CHSY3: variants seen among roughly 807,000 people sequenced by gnomAD.
The protein encoded by CHSY3 is N-acetylgalactosaminyl-proteoglycan 3-beta-glucuronosyltransferase 3.
A neutral mutation model predicts 67.2 loss-of-function variants in CHSY3; 35 were observed. The observed-to-expected ratio is 0.52, with a 90% CI of 0.40 to 0.69. CHSY3 has a LOEUF of 0.69. CHSY3 is among the 30% of genes least tolerant of loss of function. The probability of loss-of-function intolerance (pLI) is 0.00; values close to 1 mark genes in which losing one functional copy is unlikely to be tolerated. For missense variants in CHSY3, 1,069 were observed against 1,138.5 expected, an observed-to-expected ratio of 0.94 and a Z score of 0.88; for synonymous variants, 474 against 434.7, an observed-to-expected ratio of 1.09 and a Z score of -1.12.
At chr5:130,044,171 T>TGATTA (rs1262384930) in intron 2 of CHSY3, among the ~76,000 whole-genome samples, 1 of 152,098 alleles carries the variant, frequency 6.6e-6, no homozygotes, top group Non-Finnish European at 1.5e-5. Flanking sequence ...AATTCAAGAA[T>TGATTA]GATTATCTAG....
Position 129,905,331 on chromosome 5 carries a change from C to A in CHSY3, c.502C>A (p.Arg168=), listed in dbSNP as rs1274201480. Residue 168 remains arginine (R), a synonymous_variant, in exon 1 of 3, where the codon CGA becomes AGA. Transcript: ENST00000305031. ...GDGGAAAPSA[R]PRDFLYVGVM... is the part of the protein sequence containing the mutation. ...CGGGGGCGCTGCCGCCCCGAGCGCC[C>A]GACCCCGGGACTTCCTGTACGTGGG... The A allele has an allele frequency of 2.0e-6, 3 of 1,535,044 alleles. No homozygotes were observed. The highest frequency in any genetic ancestry group is 1.2e-5 in the South Asian group (1 of 84,880).
intron 2 of CHSY3, among the ~76,000 whole-genome samples, chr5:129,943,151 T>A (rs1197234884): frequency 1.3e-5 from 2 of 152,134 alleles, no homozygotes; most frequent in Non-Finnish European, 2.9e-5. Flanking sequence ...ACTAAATAGG[T>A]CTCTTTTCAT....
intron 2 of CHSY3, among the ~76,000 whole-genome samples, chr5:130,000,391 T>G (rs1415992286): frequency 6.6e-6 from 1 of 152,200 alleles, no homozygotes; most frequent in Non-Finnish European, 1.5e-5. Context: ...GATTTTAAAT[T>G]TCAAGTCAGT....
intron 2 of CHSY3, among the ~76,000 whole-genome samples, chr5:130,084,529 T>A (rs1766548196): frequency 6.6e-6 from 1 of 151,944 alleles, no homozygotes; most frequent in East Asian, 1.9e-4. Context: ...GATGTCAGGC[T>A]ACAGCTTGGT....
At chr5:129,990,445 C>T (rs1763329655) in intron 2 of CHSY3, among the ~76,000 whole-genome samples, 1 of 150,904 alleles carries the variant, frequency 6.6e-6, no homozygotes, top group Non-Finnish European at 1.5e-5. Context: ...TGTCAATCAT[C>T]CATACTGTAA....
chr5:130,096,665 C>T (rs920359348), intron 2 of CHSY3, among the ~76,000 whole-genome samples: 1 of 151,936 alleles, frequency 6.6e-6, no homozygotes, highest in African/African-American at 2.4e-5. Context: ...ACCATTGGTT[C>T]TTTTCTAAGT....
intron 2 of CHSY3, among the ~76,000 whole-genome samples, chr5:130,041,481 A>G (rs1765005017): frequency 6.6e-6 from 1 of 152,174 alleles, no homozygotes; most frequent in African/African-American, 2.4e-5. Context: ...TGTAAGAGGC[A>G]TCAAGACACC....
Position 129,908,461 on chromosome 5 carries a change from T to A in CHSY3, c.1086+101T>A. The A allele has an allele frequency of 2.0e-6, 3 of 1,480,152 alleles. No individual in the cohort carries two copies. The South Asian group carries it at 4.2e-5, about 21-fold the overall frequency. The allele number at this position is 1,480,152 out of a possible 1,614,324, so 91.7% of individuals were successfully genotyped here. On this transcript the variant is annotated intron_variant, in intron 2 of 2. Coordinates refer to ENST00000305031, the MANE Select transcript of CHSY3 (RefSeq NM_175856.5). ...ATTCATTCTCTCTGTATCTTTGTAT[T>A]TACTTGAAAGTGATAGTAGCAGCCC...
intron 2 of CHSY3, among the ~76,000 whole-genome samples, chr5:130,041,685 G>T (rs1765010926): frequency 6.6e-6 from 1 of 151,906 alleles, no homozygotes; most frequent in Non-Finnish European, 1.5e-5. Flanking sequence ...AAATGTTCAG[G>T]TCATTAAATT....
intron 2 of CHSY3, among the ~76,000 whole-genome samples, chr5:129,943,511 G>GAT (rs1761758513): frequency 1.3e-5 from 2 of 152,072 alleles, no homozygotes; most frequent in South Asian, 4.1e-4. Flanking sequence ...ATTATTGTCA[G>GAT]ATATAAGCTG....
intron 2 of CHSY3, chr5:130,140,955 A>G (rs544007564): frequency 1.1e-4 from 94 of 836,772 alleles, no homozygotes; most frequent in Non-Finnish European, 1.3e-4. Context: ...TACCTGTTCC[A>G]TGGCACTCTA....
chr5:130,060,467 GAA>G lies in CHSY3; in HGVS notation c.1087-123759_1087-123758del, dbSNP rs577437824. 2.0e-3 allele frequency among the ~76,000 whole-genome samples: 308 copies of G among 152,176 alleles called. 1 individual carries two copies. The highest frequency in any genetic ancestry group is 7.2e-3 in the African/African-American group (299 of 41,536). On this transcript the variant is annotated intron_variant, in intron 2 of 2. Coordinates refer to ENST00000305031, the MANE Select transcript of CHSY3 (RefSeq NM_175856.5). ...ACCCACAGTTATCATACTGCATGGG[GAA>G]AAGTCGAAAGCCTTTTTTTCCAAGA...
intron 2 of CHSY3, among the ~76,000 whole-genome samples, chr5:130,020,533 A>G (rs1385795165): frequency 6.8e-6 from 1 of 146,136 alleles, no homozygotes; most frequent in Non-Finnish European, 1.5e-5. Context: ...TGTTGCTTGA[A>G]GAAAGCTTTC....
chr5:130,022,114 C>T (rs992685479), intron 2 of CHSY3, among the ~76,000 whole-genome samples: 3 of 152,056 alleles, frequency 2.0e-5, no homozygotes, highest in South Asian at 4.2e-4. Context: ...TGGATGAATT[C>T]GACAATTTGA....
At chr5:130,027,713 C>T (rs1172266808) in intron 2 of CHSY3, among the ~76,000 whole-genome samples, 2 of 150,830 alleles carry the variant, frequency 1.3e-5, no homozygotes, top group Non-Finnish European at 2.9e-5. Context: ...TGAGTGAGAA[C>T]ATGCGGTGTT....
intron 2 of CHSY3, among the ~76,000 whole-genome samples, chr5:130,011,103 G>GAC (rs1298860366): frequency 6.6e-6 from 1 of 152,042 alleles, no homozygotes; most frequent in Admixed American, 6.6e-5. Flanking sequence ...GAGAAAGCAG[G>GAC]ACCCTTCCTA....
chr5:129,984,279 T>C (rs924698561), intron 2 of CHSY3, among the ~76,000 whole-genome samples: 1 of 152,164 alleles, frequency 6.6e-6, no homozygotes, highest in Non-Finnish European at 1.5e-5. Flanking sequence ...AAACATGTGG[T>C]ACTTGGTTTT....
chr5:130,035,886 GTTTTTT>G (rs1180462327), intron 2 of CHSY3, among the ~76,000 whole-genome samples: 51 of 65,560 alleles, frequency 7.8e-4, no homozygotes, highest in Non-Finnish European at 1.2e-3. Context: ...TCATTTGGTT[GTTTTTT>G]TTTTTTTTTT....
At chr5:129,950,597 C>T (rs1761996821) in intron 2 of CHSY3, among the ~76,000 whole-genome samples, 1 of 151,916 alleles carries the variant, frequency 6.6e-6, no homozygotes, top group South Asian at 2.1e-4. Flanking sequence ...AATGAATATA[C>T]AAAAATCAGT....
Sources: allele counts gnomAD v4.1 joint callset (sites outside exome capture counted in the v4.1 genomes callset), GRCh38; gene constraint gnomAD v4.1.1; transcripts MANE v1.5; gene names NCBI Gene and HGNC (gene_info 2026-07-23, HGNC 2026-07-21).